The following GAPVD1 variants were observed in gnomAD, a reference collection of about 807,000 sequenced individuals.
GAPVD1 encodes the protein GTPase-activating protein and VPS9 domain-containing protein 1.
Under a neutral mutation model 155.5 loss-of-function variants are expected in GAPVD1, and 35 were observed. The observed-to-expected ratio is 0.23, with a 90% CI of 0.17 to 0.30. GAPVD1 has a LOEUF of 0.30. Ranked by LOEUF, GAPVD1 falls within the 10% of genes least tolerant of loss-of-function variation. The pLI, the probability that GAPVD1 is intolerant of heterozygous loss-of-function variation, is 1.00. For missense variants in GAPVD1, 1,429 were observed against 1,775.7 expected (o/e 0.80, Z 3.51); for synonymous variants, 636 against 619.7 (o/e 1.03, Z -0.39).
rs771933856 is a variant in GAPVD1, at chr9:125,347,025, A to G, written c.3169+84A>G. On this transcript the variant is annotated intron_variant, in intron 20 of 27. Coordinates refer to ENST00000297933, the MANE Select transcript of GAPVD1 (RefSeq NM_001282680.3). The stretch of plus-strand genomic sequence containing the variant: ...TCTGAATTTAAGTGGCCTTTAAAAG[A>G]AAGAATAGCTAAGGGAGTCAGTTTA... The G allele has an allele frequency of 2.9e-6, 4 of 1,367,524 alleles. No homozygotes were observed. In the South Asian group the frequency reaches 3.8e-5, roughly 13 times the overall value. The allele number at this position is 1,367,524 out of a possible 1,614,324, so 84.7% of individuals were successfully genotyped here.
chr9:125,306,500 T>G (rs1841838077), intron 6 of GAPVD1, among the ~76,000 whole-genome samples: 2 of 152,184 alleles, frequency 1.3e-5, no homozygotes, highest in African/African-American at 4.8e-5. Flanking sequence ...TCCAACATCT[T>G]ATTGTTATTT....
intron 5 of GAPVD1, among the ~76,000 whole-genome samples, chr9:125,303,605 C>T (rs1238158053): frequency 6.6e-6 from 1 of 151,558 alleles, no homozygotes; most frequent in Admixed American, 6.6e-5. Context: ...GGAGAAACCC[C>T]ATCTCTACTA....
In GAPVD1 at chr9:125,302,769, A is replaced by G. The variant is rs1170530142; in HGVS notation, c.972A>G (p.Gln324=). The stretch of plus-strand genomic sequence containing the variant: ...GTCCTGCAGTTGTCAATCCAGAACA[A>G]TATGGAATAATTTCCGATGCTCCTA... The part of the protein sequence containing the change: ...FICPAVVNPE[Q]YGIISDAPIN... The change falls in exon 5 of 28, where the codon CAA becomes CAG. Residue 324 remains glutamine (Q), a synonymous_variant. Coordinates refer to ENST00000297933, the MANE Select transcript of GAPVD1 (RefSeq NM_001282680.3). The G allele has an allele frequency of 1.2e-6, 2 of 1,612,600 alleles. No individual in the cohort carries two copies. The highest frequency in any genetic ancestry group is 1.7e-6 in the Non-Finnish European group (2 of 1,179,492).
At chr9:125,327,263 T>C (rs976940106) in intron 12 of GAPVD1, among the ~76,000 whole-genome samples, 1 of 152,206 alleles carries the variant, frequency 6.6e-6, no homozygotes. Context: ...TTTTGGATAC[T>C]GTTTTATGAG....
chr9:125,351,506 C>T (rs1418384548), intron 23 of GAPVD1, among the ~76,000 whole-genome samples: 1 of 152,110 alleles, frequency 6.6e-6, no homozygotes, highest in African/African-American at 2.4e-5. Flanking sequence ...TGCCTATGAA[C>T]CTGTAAAATC....
chr9:125,338,820 A>AG (rs1347180836), intron 17 of GAPVD1, among the ~76,000 whole-genome samples: 1 of 152,126 alleles, frequency 6.6e-6, no homozygotes, highest in African/African-American at 2.4e-5. Context: ...ATAAGTATTT[A>AG]GGGGGAGAGG....
In GAPVD1 at chr9:125,268,194, A is replaced by ACC. The variant is rs34598150; in HGVS notation, c.-198-732_-198-731dup. Among the ~76,000 whole-genome samples, 657 of 112,422 alleles carry ACC rather than the reference A, an allele frequency of 5.8e-3. 3 individuals carry two copies. The highest frequency in any genetic ancestry group is 0.021 in the African/African-American group (613 of 29,370). The allele number at this position is 112,422 out of a possible 152,430, so 73.8% of individuals were successfully genotyped here. On this transcript the variant is annotated intron_variant, in intron 1 of 27. Transcript: ENST00000297933. ...AAAAACAACAACAAACAAACAAACA[A>ACC]CCCCCCCCCCCAAAAAAAAACCAAG...
Position 125,350,351 on chromosome 9 carries a change from C to T in GAPVD1, c.3356C>T (p.Pro1119Leu). Residue 1119 changes from proline to leucine, a missense_variant, in exon 22 of 28, where the codon CCA (proline) becomes CTA (leucine). By Grantham distance (98) the Pro-to-Leu change is moderately conservative (BLOSUM62 -3). Transcript: ENST00000297933. The stretch of plus-strand genomic sequence containing the variant: ...TGCTCTGCGGACTCTGTTGCCTTCC[C>T]AGTGCTGACCCATTCAACAAGGAAT... ...ALCSADSVAF[P>L]VLTHSTRNGL... 2 of 1,601,732 alleles carry T rather than the reference C, an allele frequency of 1.2e-6. No individual in the cohort carries two copies. Among genetic ancestry groups the T allele is most frequent in the Non-Finnish European group, 1.7e-6 (2 of 1,176,964 alleles).
Position 125,363,395 on chromosome 9 carries a change from A to C in GAPVD1, c.*649A>C, listed in dbSNP as rs890712922. ...CAAAATTTAAGCTGAGCTTAAAAGC[A>C]AAAAACAAAAAGTACACAGAAATAT... On this transcript the variant is annotated 3_prime_UTR_variant, in exon 28 of 28. Coordinates refer to ENST00000297933, the MANE Select transcript of GAPVD1 (RefSeq NM_001282680.3). 3.3e-5 allele frequency: 5 copies of C among 152,212 alleles called. No homozygotes were observed. The highest frequency in any genetic ancestry group is 1.2e-4 in the African/African-American group (5 of 41,458). The allele number at this position is 152,212 out of a possible 1,614,324, so 9.4% of individuals were successfully genotyped here.
rs376582573 is a variant in GAPVD1, at chr9:125,279,531, A to G, written c.-150+10547A>G. 5.3e-5 allele frequency among the ~76,000 whole-genome samples: 8 copies of G among 149,588 alleles called. No individual in the cohort carries two copies. The South Asian group carries it at 1.3e-3, about 24-fold the overall frequency. ...GGTTGCAGTGAGCCGAGATCGTGCC[A>G]TTGTACTCCAGCCTAGGCGACAGAG... On this transcript the variant is annotated intron_variant, in intron 2 of 27. Coordinates refer to ENST00000297933, the MANE Select transcript of GAPVD1 (RefSeq NM_001282680.3).
chr9:125,276,879 C>G (rs768340420), intron 2 of GAPVD1, among the ~76,000 whole-genome samples: 1 of 152,080 alleles, frequency 6.6e-6, no homozygotes, highest in Non-Finnish European at 1.5e-5. Flanking sequence ...TCATATCAGC[C>G]TCCTGAGAAC....
At position 125,307,541 on chromosome 9, in the gene GAPVD1, T is replaced by A. The variant is rs1301723554; in HGVS notation, c.1245T>A (p.Ile415=). ...TTTATATAACCTACAGTCAGCTTATTACTCTGGTAATGGCTTCATTGTTTA... is the reference window on the plus strand; with the variant it reads ...TTTATATAACCTACAGTCAGCTTATAACTCTGGTAATGGCTTCATTGTTTA... The part of the protein sequence containing the change: ...TVVYITYSQL[I]TLVNFMKSVM... Residue 415 remains isoleucine, a synonymous_variant, in exon 7 of 28, where the codon ATT becomes ATA. Transcript: ENST00000297933. 2 of 1,609,778 alleles carry A rather than the reference T, an allele frequency of 1.2e-6. No homozygotes were observed.
intron 6 of GAPVD1, 121 bp downstream of exon 6, chr9:125,305,270 T>C: frequency 1.5e-6 from 1 of 653,622 alleles, no homozygotes; most frequent in Non-Finnish European, 2.7e-6. Context: ...GCTACAGTAT[T>C]GGATCAGCAG....
chr9:125,337,053 G>A lies in GAPVD1; in HGVS notation c.2464G>A (p.Glu822Lys). Residue 822 changes from glutamate (E) to lysine (K), a missense_variant, in exon 16 of 28, where the codon GAG becomes AAG. Physicochemically the swap from Glu to Lys is moderately conservative, Grantham distance 56. Coordinates refer to ENST00000297933, the MANE Select transcript of GAPVD1 (RefSeq NM_001282680.3). ...GCTGACCTCTCCTCCTTCTCAGTCAGAGTCTCTGCTGGCCATGTTTGATCC... is the reference window on the plus strand; with the variant it reads ...GCTGACCTCTCCTCCTTCTCAGTCAAAGTCTCTGCTGGCCATGTTTGATCC... ...HQLTSPPSQS[E>K]SLLAMFDPLS... 6.2e-7 allele frequency: 1 copy of A among 1,613,412 alleles called. No homozygotes were observed. The highest frequency in any genetic ancestry group is 8.5e-7 in the Non-Finnish European group (1 of 1,179,326).
intron 2 of GAPVD1, among the ~76,000 whole-genome samples, chr9:125,289,276 A>T (rs1783633709): frequency 6.6e-6 from 1 of 152,102 alleles, no homozygotes; most frequent in South Asian, 2.1e-4. Flanking sequence ...TGAACACGGG[A>T]GCCCTATGAT....
At chr9:125,357,796 G>A (rs941388049) in intron 25 of GAPVD1, among the ~76,000 whole-genome samples, 1 of 152,114 alleles carries the variant, frequency 6.6e-6, no homozygotes, top group African/African-American at 2.4e-5. Flanking sequence ...CCAACATGGT[G>A]AAACTGTGTC....
At chr9:125,273,868 T>C (rs910339803) in intron 2 of GAPVD1, among the ~76,000 whole-genome samples, 2 of 152,116 alleles carry the variant, frequency 1.3e-5, no homozygotes, top group African/African-American at 4.8e-5. Flanking sequence ...CTTCCTCCAC[T>C]TGGCTGTCAT....
chr9:125,337,212 G>C lies in GAPVD1; in HGVS notation c.2507-9G>C. On this transcript the variant is annotated splice_polypyrimidine_tract_variant and intron_variant, in intron 16 of 27. Coordinates refer to ENST00000297933, the MANE Select transcript of GAPVD1 (RefSeq NM_001282680.3). ...TCTCAGTTACAAAACTTTTTTTCCT[G>C]TGTTGCAGGGGCTTCTGCTGTGGTA... 6.2e-7 allele frequency: 1 copy of C among 1,611,896 alleles called. No homozygotes were observed.
intron 25 of GAPVD1, among the ~76,000 whole-genome samples, chr9:125,358,801 A>G (rs1383635814): frequency 6.6e-6 from 1 of 152,210 alleles, no homozygotes; most frequent in East Asian, 1.9e-4. Flanking sequence ...CATATAGACT[A>G]CAAACAGCAA....
Sources: allele counts gnomAD v4.1 joint callset (sites outside exome capture counted in the v4.1 genomes callset), GRCh38; gene constraint gnomAD v4.1.1; transcripts MANE v1.5; gene names NCBI Gene and HGNC (gene_info 2026-07-23, HGNC 2026-07-21).